Variants in ERAP1 observed in about 807,000 individuals in gnomAD.
ERAP1 encodes the protein endoplasmic reticulum aminopeptidase 1, also known as adipocyte-derived leucine aminopeptidase.
Under a neutral mutation model 103.7 loss-of-function variants are expected in ERAP1, and 86 were observed. The ratio of observed to expected loss-of-function variants is 0.83; its 90% confidence interval spans 0.70 to 0.99. The LOEUF (loss-of-function observed/expected upper bound fraction) is 0.99, where lower values mean the gene tolerates loss of function less well. ERAP1 is among the 50% of genes least tolerant of loss of function. The pLI is 0.00. For missense variants in ERAP1, 1,009 were observed against 1,128.4 expected, an observed-to-expected ratio of 0.89 and a Z score of 1.52; for synonymous variants, 398 against 402.4, an observed-to-expected ratio of 0.99 and a Z score of 0.13.
At chr5:96,797,433 G>A in intron 3 of ERAP1, 124 bp from the exon 4 acceptor site, 2 of 1,058,290 alleles carry the variant, frequency 1.9e-6, no homozygotes, top group South Asian at 2.7e-5. Flanking sequence ...GGGAGTCCGA[G>A]GTAGGCAGAA....
At chr5:96,832,881 C>T in the ERAP1 span, among the ~76,000 whole-genome samples, 637 of 152,076 alleles carry the variant, frequency 4.2e-3, 2 homozygotes, top group Non-Finnish European at 6.9e-3. Flanking sequence ...AATTTAGCAC[C>T]CAATGTGATG....
Position 96,775,361 on chromosome 5 carries a change from T to A in ERAP1, c.*1035A>T, listed in dbSNP as rs1355570904. 3.0e-6 allele frequency: 3 copies of A among 985,142 alleles called. No homozygotes were observed. Among genetic ancestry groups the A allele is most frequent in the Non-Finnish European group, 3.6e-6 (3 of 829,710 alleles). The allele number at this position is 985,142 out of a possible 1,614,324, so 61.0% of individuals were successfully genotyped here. A position where few individuals can be genotyped will look rare whatever the true frequency, so the allele number is the denominator to read the frequency against. On this transcript the variant is annotated 3_prime_UTR_variant, in exon 19 of 19. Coordinates refer to ENST00000443439, the MANE Select transcript of ERAP1 (RefSeq NM_001040458.3). ...TACTATCATTTATTGGTGACTGCAA[T>A]AATTTACTGTCAGTAAATGCCAATA...
intron 17 of ERAP1, 69 bp from the exon 18 acceptor site, chr5:96,780,573 C>CAG (rs1444205175): frequency 8.4e-7 from 1 of 1,191,634 alleles, no homozygotes; most frequent in Non-Finnish European, 1.3e-6. Flanking sequence ...TTAAGGGCCT[C>CAG]CTATATATAA....
At chr5:96,761,559 A>G (rs17086650) in exon 20 of ERAP1, 255 of 152,414 alleles carry the variant, frequency 1.7e-3, no homozygotes, top group African/African-American at 6.0e-3. Context: ...AAAATAAGCT[A>G]TCCATAGTTG....
the ERAP1 span, among the ~76,000 whole-genome samples, chr5:96,842,132 G>C: frequency 6.6e-6 from 1 of 152,006 alleles, no homozygotes; most frequent in Non-Finnish European, 1.5e-5. Context: ...CCTTTTTATG[G>C]CCGAGTAGTA....
rs34765952 is a variant in ERAP1 at position 96,780,408 on chromosome 5, AT to A, written c.2670+14del. On this transcript the variant is annotated intron_variant, in intron 18 of 18. Transcript: ENST00000443439. ...TTTATGTTTAAAAATATATATATAG[AT>A]TTTTTTTTTTTACCTCTTCAAGCCG... The A allele has an allele frequency of 0.24, 307,437 of 1,293,892 alleles. 19,341 individuals carry two copies. The highest frequency in any genetic ancestry group is 0.26 in the Non-Finnish European group (251,383 of 949,442). 80.2% of individuals were successfully genotyped at this position (1,293,892 alleles called of 1,614,324 possible).
chr5:96,913,529 C>A, the ERAP1 span: 1 of 1,520,584 alleles, frequency 6.6e-7, no homozygotes, highest in South Asian at 1.1e-5. Flanking sequence ...CAAGTGTAAT[C>A]AAATGTTTCT....
the ERAP1 span, chr5:96,918,179 T>A: frequency 6.6e-6 from 1 of 152,344 alleles, no homozygotes; most frequent in African/African-American, 2.4e-5. Context: ...TCCTGAATAA[T>A]GGATATATGT....
the ERAP1 span, chr5:96,895,242 C>T: frequency 1.3e-6 from 2 of 1,579,196 alleles, no homozygotes; most frequent in African/African-American, 1.4e-5. Context: ...TTTTTACCTC[C>T]TAGTGGTTTG....
the ERAP1 span, chr5:96,909,897 T>C: frequency 1.8e-5 from 15 of 825,730 alleles, no homozygotes; most frequent in Non-Finnish European, 2.6e-5. Context: ...ACAAACCCTG[T>C]TTCATGCTCT....
At chr5:96,910,818 C>T in the ERAP1 span, among the ~76,000 whole-genome samples, 6 of 152,152 alleles carry the variant, frequency 3.9e-5, no homozygotes, top group East Asian at 1.2e-3. Context: ...TTACTTCATT[C>T]ATTTGTGGAT....
At chr5:96,833,737 G>A in the ERAP1 span, among the ~76,000 whole-genome samples, 10 of 151,534 alleles carry the variant, frequency 6.6e-5, no homozygotes, top group African/African-American at 2.2e-4. Context: ...GGCGGAGGTT[G>A]CAGTGAACCA....
chr5:96,832,818 T>C, the ERAP1 span, among the ~76,000 whole-genome samples: 1 of 152,226 alleles, frequency 6.6e-6, no homozygotes, highest in Non-Finnish European at 1.5e-5. Context: ...ATGATCCCTT[T>C]GGGCTGATGT....
intron 19 of ERAP1, among the ~76,000 whole-genome samples, chr5:96,765,601 A>G (rs1769649511): frequency 6.6e-6 from 1 of 152,198 alleles, no homozygotes; most frequent in Admixed American, 6.5e-5. Context: ...CAGTCAGCAC[A>G]TCCATTCAAA....
chr5:96,840,138 G>A, the ERAP1 span, among the ~76,000 whole-genome samples: 1 of 152,176 alleles, frequency 6.6e-6, no homozygotes, highest in African/African-American at 2.4e-5. Flanking sequence ...AGTAAATGCT[G>A]CTTTTAAGCA....
At position 96,792,086 on chromosome 5, in the gene ERAP1, A is replaced by G. The variant is rs1015860137; in HGVS notation, c.1295T>C (p.Met432Thr). Residue 432 changes from methionine (M) to threonine (T), a missense_variant, in exon 8 of 19, where the codon ATG (methionine) becomes ACG (threonine). By Grantham distance (81) the Met-to-Thr change is moderately conservative (BLOSUM62 -1). Coordinates refer to ENST00000443439, the MANE Select transcript of ERAP1 (RefSeq NM_001040458.3). Reference sequence around the variant, plus strand: ...CTTATCATAAGAAACATCATCAAACATCTCCCGGATCTGAGCAGGATTTTC... The same window carrying G: ...CTTATCATAAGAAACATCATCAAACGTCTCCCGGATCTGAGCAGGATTTTC... Reference protein sequence around the residue: ...PVENPAQIREMFDDVSYDKGA... With the variant: ...PVENPAQIRETFDDVSYDKGA... 14 of 1,614,066 alleles carry G rather than the reference A, an allele frequency of 8.7e-6. 1 individual carries two copies. The Middle Eastern group carries it at 9.9e-4, about 114-fold the overall frequency.
upstream of ERAP1, among the ~76,000 whole-genome samples, chr5:96,808,839 C>T (rs367877645): frequency 5.3e-5 from 8 of 152,074 alleles, no homozygotes; most frequent in East Asian, 1.2e-3. Flanking sequence ...GAAAATGGGT[C>T]CCGATCCAGA....
chr5:96,811,536 A>G (rs1233089956), upstream of ERAP1, among the ~76,000 whole-genome samples: 1 of 152,220 alleles, frequency 6.6e-6, no homozygotes, highest in Non-Finnish European at 1.5e-5. Context: ...TACCTCCACT[A>G]AAGCCCTCAG....
At chr5:96,917,936 A>AAAAAGAAAAG in the ERAP1 span, 1 of 160,858 alleles carries the variant, frequency 6.2e-6, no homozygotes, top group Admixed American at 6.5e-5. Flanking sequence ...AAAGAAAAAG[A>AAAAAGAAAAG]AAAAGAAAAG....
Sources: gnomAD v4.1 joint callset for allele counts (sites outside exome capture counted in the v4.1 genomes callset) on GRCh38, gnomAD v4.1.1 for gene constraint, MANE v1.5 for transcripts, NCBI Gene and HGNC (gene_info 2026-07-23, HGNC 2026-07-21) for gene names.